FSTL5: variants seen among roughly 807,000 people sequenced by gnomAD.
The protein encoded by FSTL5 is follistatin-related protein 5.
A neutral mutation model predicts 89.1 loss-of-function variants in FSTL5; 62 were observed. That is an observed-to-expected ratio of 0.70 (90% CI 0.57 to 0.86). FSTL5 has a LOEUF of 0.86. FSTL5 is among the 40% of genes least tolerant of loss of function. FSTL5 has a pLI of 0.00. For missense variants in FSTL5, 1,057 were observed against 1,001.6 expected, an observed-to-expected ratio of 1.06 and a Z score of -0.75; for synonymous variants, 383 against 346.2, an observed-to-expected ratio of 1.11 and a Z score of -1.18.
chr4:161,399,605 C>T (rs548666874), intron 15 of FSTL5, among the ~76,000 whole-genome samples: 2 of 152,012 alleles, frequency 1.3e-5, no homozygotes, highest in South Asian at 2.1e-4. Flanking sequence ...GGGAGCATTT[C>T]CACATCACTT....
At chr4:161,426,071 T>A (rs966991436) in intron 15 of FSTL5, among the ~76,000 whole-genome samples, 1 of 152,148 alleles carries the variant, frequency 6.6e-6, no homozygotes, top group African/African-American at 2.4e-5. Context: ...AGTTAATATC[T>A]CAATCCATAC....
At chr4:162,161,858 T>C (rs990843180) in intron 1 of FSTL5, among the ~76,000 whole-genome samples, 4 of 152,036 alleles carry the variant, frequency 2.6e-5, no homozygotes, top group African/African-American at 7.2e-5. Context: ...ACATAATTAG[T>C]TTTAACAAGA....
rs1022259747 is a variant in FSTL5 at position 161,665,427 on chromosome 4, G to A, written c.728-8933C>T. Among the ~76,000 whole-genome samples the A allele has an allele frequency of 2.0e-5, 3 of 152,034 alleles. No individual in the cohort carries two copies. In the East Asian group the frequency reaches 5.8e-4, roughly 30 times the overall value. Reference sequence around the variant, plus strand: ...TTTTTGTATTTTTAGTAGAGATGGGGTTTCACCGTGTTAGCCAGGATGGTC... The same window carrying A: ...TTTTTGTATTTTTAGTAGAGATGGGATTTCACCGTGTTAGCCAGGATGGTC... On this transcript the variant is annotated intron_variant, in intron 6 of 15. Transcript: ENST00000306100.
chr4:161,773,779 G>A (rs943466152), intron 5 of FSTL5, among the ~76,000 whole-genome samples: 1 of 152,144 alleles, frequency 6.6e-6, no homozygotes, highest in African/African-American at 2.4e-5. Context: ...AAAACAGTGT[G>A]GAGAGTCCTT....
chr4:162,082,001 C>T (rs1020796872), intron 2 of FSTL5, among the ~76,000 whole-genome samples: 5 of 151,662 alleles, frequency 3.3e-5, no homozygotes, highest in South Asian at 2.1e-4. Flanking sequence ...TTGATTCCAA[C>T]GTTTAAAAAT....
chr4:161,969,406 G>A (rs1694090135), intron 3 of FSTL5, among the ~76,000 whole-genome samples: 1 of 152,032 alleles, frequency 6.6e-6, no homozygotes, highest in Non-Finnish European at 1.5e-5. Flanking sequence ...CGAGAGCAGC[G>A]ATCTATCTAT....
chr4:161,568,007 G>A (rs1732877605), intron 8 of FSTL5, among the ~76,000 whole-genome samples: 1 of 151,740 alleles, frequency 6.6e-6, no homozygotes, highest in South Asian at 2.1e-4. Context: ...CCTGAAAAGA[G>A]GATGCATTCT....
chr4:161,743,444 A>G (rs77154768), intron 6 of FSTL5, among the ~76,000 whole-genome samples: 2,024 of 152,122 alleles, frequency 0.013, 45 homozygotes, highest in African/African-American at 0.046. Flanking sequence ...TTTGATTTTA[A>G]TGGCTTTGTA....
chr4:162,028,516 G>T (rs1737389106), intron 3 of FSTL5, among the ~76,000 whole-genome samples: 1 of 152,194 alleles, frequency 6.6e-6, no homozygotes, highest in Non-Finnish European at 1.5e-5. Flanking sequence ...GGCGGAGGTT[G>T]CAGTGAGCTG....
At chr4:161,525,343 T>G (rs1262984550) in intron 10 of FSTL5, among the ~76,000 whole-genome samples, 1 of 152,184 alleles carries the variant, frequency 6.6e-6, no homozygotes, top group African/African-American at 2.4e-5. Flanking sequence ...TGCAGAACTT[T>G]TATTATCCTA....
intron 14 of FSTL5, among the ~76,000 whole-genome samples, chr4:161,456,108 T>G (rs1402952784): frequency 6.6e-6 from 1 of 152,172 alleles, no homozygotes; most frequent in African/African-American, 2.4e-5. Context: ...GCCCACTTCC[T>G]GAACAATAGC....
intron 7 of FSTL5, among the ~76,000 whole-genome samples, chr4:161,608,394 G>A (rs775929527): frequency 3.8e-4 from 58 of 152,160 alleles, no homozygotes; most frequent in Non-Finnish European, 6.9e-4. Flanking sequence ...GTAAATTTAA[G>A]ATGTTCTGGA....
intron 3 of FSTL5, among the ~76,000 whole-genome samples, chr4:161,976,499 T>C (rs1735649751): frequency 6.6e-6 from 1 of 152,176 alleles, no homozygotes; most frequent in Admixed American, 6.5e-5. Context: ...TTGTTGTTGC[T>C]GAGTCGGAGT....
chr4:162,094,248 G>A (rs183958665), intron 2 of FSTL5, among the ~76,000 whole-genome samples: 23 of 152,148 alleles, frequency 1.5e-4, no homozygotes, highest in African/African-American at 2.4e-4. Flanking sequence ...TTAGCTGGGC[G>A]TGGTGGCAGG....
intron 5 of FSTL5, among the ~76,000 whole-genome samples, chr4:161,761,741 C>G (rs1740813853): frequency 6.6e-6 from 1 of 152,102 alleles, no homozygotes; most frequent in Non-Finnish European, 1.5e-5. Flanking sequence ...TGCATGTGAC[C>G]TTGAGAAGCC....
intron 2 of FSTL5, among the ~76,000 whole-genome samples, chr4:162,059,851 C>CA (rs1738664585): frequency 6.6e-6 from 1 of 152,132 alleles, no homozygotes; most frequent in South Asian, 2.1e-4. Flanking sequence ...AACTGACACA[C>CA]AGATGTCTGA....
At chr4:161,511,642 A>G (rs1384272645) in intron 10 of FSTL5, among the ~76,000 whole-genome samples, 1 of 152,142 alleles carries the variant, frequency 6.6e-6, no homozygotes, top group African/African-American at 2.4e-5. Context: ...TCATCTTTTC[A>G]TCTTAAACAT....
At chr4:161,432,899 A>G (rs1437131035) in intron 15 of FSTL5, among the ~76,000 whole-genome samples, 1 of 152,044 alleles carries the variant, frequency 6.6e-6, no homozygotes, top group East Asian at 1.9e-4. Context: ...TCAAACCTGA[A>G]CATACTAATA....
At chr4:161,909,809 C>T (rs1733640175) in intron 4 of FSTL5, among the ~76,000 whole-genome samples, 1 of 152,082 alleles carries the variant, frequency 6.6e-6, no homozygotes, top group Non-Finnish European at 1.5e-5. Context: ...GGCTCTACTC[C>T]TGCACTTGCC....
Sources: allele counts gnomAD v4.1 joint callset (sites outside exome capture counted in the v4.1 genomes callset), GRCh38; gene constraint gnomAD v4.1.1; transcripts MANE v1.5; gene names NCBI Gene and HGNC (gene_info 2026-07-23, HGNC 2026-07-21).